The following FAM163B variants were observed in gnomAD, a reference collection of about 807,000 sequenced individuals.
The protein encoded by FAM163B is family with sequence similarity 163 member B, also known as protein FAM163B.
A neutral mutation model predicts 7.6 loss-of-function variants in FAM163B; 4 were observed. The observed-to-expected ratio is 0.52, with a 90% CI of 0.26 to 1.20. The LOEUF (loss-of-function observed/expected upper bound fraction) is 1.20. Among genes scored for constraint, FAM163B ranks in the 50% most tolerant of loss-of-function variants. FAM163B has a pLI of 0.14. For missense variants in FAM163B, 250 were observed against 243.0 expected (o/e 1.03, Z -0.19); for synonymous variants, 120 against 111.6 (o/e 1.07, Z -0.47).
At chr9:133,596,433 G>T (rs189525831) in intron 1 of FAM163B, among the ~76,000 whole-genome samples, 175 of 152,242 alleles carry the variant, frequency 1.1e-3, no homozygotes, top group Non-Finnish European at 2.1e-3. Context: ...CACCCTTGTC[G>T]TGCAAAGCAG....
chr9:133,579,044 C>T lies in FAM163B; in HGVS notation c.479G>A (p.Arg160His), dbSNP rs954229404. ...AGGTCACACGTCGGTGCTGATGCTG[C>T]GGCTCCTGGCGAAGGCCTCCCGCAT... ...SAMREAFARS[R>H]SISTDV The change falls in exon 3 of 3, where the codon CGC becomes CAC. Residue 160 changes from arginine (R) to histidine (H), a missense_variant. Transcript: ENST00000673969. 2.0e-5 allele frequency: 32 copies of T among 1,561,164 alleles called. No individual in the cohort carries two copies. Among genetic ancestry groups the T allele is most frequent in the African/African-American group, 1.2e-4 (9 of 73,780 alleles).
intron 1 of FAM163B, among the ~76,000 whole-genome samples, chr9:133,596,335 T>C (rs1831632720): frequency 6.6e-6 from 1 of 151,874 alleles, no homozygotes; most frequent in African/African-American, 2.4e-5. Context: ...CTTGGCTAAG[T>C]TTCTTCGTTC....
At chr9:133,592,494 C>T (rs1275807709) in intron 1 of FAM163B, among the ~76,000 whole-genome samples, 2 of 152,186 alleles carry the variant, frequency 1.3e-5, no homozygotes, top group East Asian at 1.9e-4. Flanking sequence ...CTTCCCTCTT[C>T]CAGGAAGGTG....
In FAM163B at chr9:133,578,824, A is replaced by G; in HGVS notation, c.*198T>C. The G allele has an allele frequency of 9.6e-7, 1 of 1,045,014 alleles. No individual in the cohort carries two copies. Among genetic ancestry groups the G allele is most frequent in the Non-Finnish European group, 1.3e-6 (1 of 763,826 alleles). The allele number at this position is 1,045,014 out of a possible 1,614,324, so 64.7% of individuals were successfully genotyped here. The stretch of plus-strand genomic sequence containing the variant: ...CCAGGCCCCAGCTGTGCCTCCCCCC[A>G]GGACACATTTGTGTTCAATGAGCCT... On this transcript the variant is annotated 3_prime_UTR_variant, in exon 3 of 3. Transcript: ENST00000673969.
intron 1 of FAM163B, among the ~76,000 whole-genome samples, chr9:133,581,075 CTCCTTCTTGTGGAAAATG>C (rs1379879286): frequency 2.0e-5 from 3 of 152,226 alleles, no homozygotes; most frequent in Non-Finnish European, 4.4e-5. Context: ...CCTTTGCAAA[CTCCTTCTTGTGGAAAATG>C]TCCATCAAAC....
chr9:133,581,530 G>A (rs2131215903), intron 1 of FAM163B, among the ~76,000 whole-genome samples: 1 of 152,254 alleles, frequency 6.6e-6, no homozygotes, highest in African/African-American at 2.4e-5. Context: ...GCTTTCTCCT[G>A]TCGTCTCTGA....
chr9:133,590,071 CCCTTCCCCTTCCCCTT>C (rs1564193449), intron 1 of FAM163B, among the ~76,000 whole-genome samples: 206 of 17,294 alleles, frequency 0.012, 34 homozygotes, highest in East Asian at 0.038. Context: ...CCTTCCCCTT[CCCTTCCCCTTCCCCTT>C]CCCTTCCCCT....
intron 1 of FAM163B, among the ~76,000 whole-genome samples, chr9:133,592,311 A>G (rs886672351): frequency 1.4e-4 from 21 of 152,238 alleles, no homozygotes; most frequent in Admixed American, 3.3e-4. Flanking sequence ...AACTCCAGGG[A>G]GCAGAGATGC....
intron 1 of FAM163B, among the ~76,000 whole-genome samples, chr9:133,607,949 G>A (rs776163300): frequency 2.0e-5 from 3 of 152,144 alleles, no homozygotes; most frequent in Non-Finnish European, 4.4e-5. Flanking sequence ...TAGAGCCCTG[G>A]TCACCTCCAC....
At chr9:133,588,294 G>T (rs1334184334) in intron 1 of FAM163B, among the ~76,000 whole-genome samples, 1 of 152,220 alleles carries the variant, frequency 6.6e-6, no homozygotes, top group Non-Finnish European at 1.5e-5. Flanking sequence ...GTCTCAGATA[G>T]ATCATGCTGG....
chr9:133,578,921 A>G lies in FAM163B; in HGVS notation c.*101T>C, dbSNP rs1188259796. 6 of 1,433,848 alleles carry G rather than the reference A, an allele frequency of 4.2e-6. No individual in the cohort carries two copies. The African/African-American group carries it at 8.6e-5, about 21-fold the overall frequency. 88.8% of individuals were successfully genotyped at this position (1,433,848 alleles called of 1,614,324 possible). A position where few individuals can be genotyped will look rare whatever the true frequency, so the allele number is the denominator to read the frequency against. Reference sequence around the variant, plus strand: ...GAGGACAGGGATTCCAGGAGGGCTCAGCCAAGCCCCACTTGGGGCCTGGGG... The same window carrying G: ...GAGGACAGGGATTCCAGGAGGGCTCGGCCAAGCCCCACTTGGGGCCTGGGG... On this transcript the variant is annotated 3_prime_UTR_variant, in exon 3 of 3. Transcript: ENST00000673969.
chr9:133,588,291 A>G (rs1831471942), intron 1 of FAM163B, among the ~76,000 whole-genome samples: 1 of 152,184 alleles, frequency 6.6e-6, no homozygotes, highest in Non-Finnish European at 1.5e-5. Context: ...GGGGTCTCAG[A>G]TAGATCATGC....
Position 133,578,758 on chromosome 9 carries a change from G to C in FAM163B, c.*264C>G. On this transcript the variant is annotated 3_prime_UTR_variant, in exon 3 of 3. Transcript: ENST00000673969. ...GGCCTCTGTGCCTGAGAGCCCTGGTGCATGCCCAGCCGGCTGTATGGTCAC... is the reference window on the plus strand; with the variant it reads ...GGCCTCTGTGCCTGAGAGCCCTGGTCCATGCCCAGCCGGCTGTATGGTCAC... The C allele has an allele frequency of 1.9e-6, 1 of 530,774 alleles. No homozygotes were observed. Among genetic ancestry groups the C allele is most frequent in the East Asian group, 3.2e-5 (1 of 31,366 alleles). The allele number at this position is 530,774 out of a possible 1,614,324, so 32.9% of individuals were successfully genotyped here. A position where few individuals can be genotyped will look rare whatever the true frequency, so the allele number is the denominator to read the frequency against.
At chr9:133,593,585 G>C (rs1441548123) in intron 1 of FAM163B, among the ~76,000 whole-genome samples, 3 of 152,206 alleles carry the variant, frequency 2.0e-5, no homozygotes, top group African/African-American at 7.2e-5. Flanking sequence ...GCTTAGGCAG[G>C]AATCCAGACT....
intron 1 of FAM163B, among the ~76,000 whole-genome samples, chr9:133,593,770 C>T (rs3025307): frequency 0.39 from 58,685 of 152,178 alleles, 11,580 homozygotes; most frequent in Admixed American, 0.46. Context: ...CCCAGGGAGA[C>T]AGGCTGTCGG....
chr9:133,599,498 GGTGT>G (rs1159456753), intron 1 of FAM163B, among the ~76,000 whole-genome samples: 18 of 152,084 alleles, frequency 1.2e-4, no homozygotes, highest in East Asian at 1.9e-4. Flanking sequence ...ATGTGTAAGG[GGTGT>G]GTGTATGTGT....
intron 1 of FAM163B, among the ~76,000 whole-genome samples, chr9:133,583,522 C>T (rs1831385860): frequency 6.6e-6 from 1 of 152,336 alleles, no homozygotes; most frequent in South Asian, 2.1e-4. Flanking sequence ...TTCTGTGGGA[C>T]AGCAGCTGCA....
rs903948360 is a variant in FAM163B at position 133,577,126 on chromosome 9, G to C, written c.*1896C>G. On this transcript the variant is annotated 3_prime_UTR_variant, in exon 3 of 3. Coordinates refer to ENST00000673969, the MANE Select transcript of FAM163B (RefSeq NM_001080515.3). ...CTTTCACTTTCCTCAGGGAGCCAGC[G>C]GCTCCCCCAGCAGGTCCCCACGGTG... Among the ~76,000 whole-genome samples the C allele has an allele frequency of 6.6e-6, 1 of 152,204 alleles. No homozygotes were observed. The highest frequency in any genetic ancestry group is 1.5e-5 in the Non-Finnish European group (1 of 68,042).
intron 1 of FAM163B, among the ~76,000 whole-genome samples, chr9:133,603,402 C>A (rs189133940): frequency 2.0e-5 from 3 of 152,284 alleles, no homozygotes; most frequent in Admixed American, 2.0e-4. Context: ...AGGGTCTGCA[C>A]GGCTGGTGAA....
Sources: gnomAD v4.1 joint callset for allele counts (sites outside exome capture counted in the v4.1 genomes callset) on GRCh38, gnomAD v4.1.1 for gene constraint, MANE v1.5 for transcripts, NCBI Gene and HGNC (gene_info 2026-07-23, HGNC 2026-07-21) for gene names.